Variants in RIMS1 observed in about 807,000 individuals in gnomAD.
RIMS1 encodes the protein regulating synaptic membrane exocytosis 1.
Under a neutral mutation model 214.1 loss-of-function variants are expected in RIMS1, and 83 were observed. That is an observed-to-expected ratio of 0.39 (90% CI 0.32 to 0.47). RIMS1 has a LOEUF of 0.47. Among genes scored for constraint, RIMS1 ranks in the 20% least tolerant of loss-of-function variants. The pLI, the probability that RIMS1 is intolerant of heterozygous loss-of-function variation, is 0.99. For missense variants in RIMS1, 2,050 were observed against 2,161.8 expected (o/e 0.95, Z 1.03); for synonymous variants, 793 against 786.8 (o/e 1.01, Z -0.13).
chr6:71,903,459 C>G (rs1774332969), intron 1 of RIMS1, among the ~76,000 whole-genome samples: 1 of 151,954 alleles, frequency 6.6e-6, no homozygotes, highest in African/African-American at 2.4e-5. Context: ...ATTTCATGAC[C>G]AAAACGTCAA....
At chr6:72,005,928 G>C (rs1364514829) in intron 2 of RIMS1, among the ~76,000 whole-genome samples, 1 of 152,202 alleles carries the variant, frequency 6.6e-6, no homozygotes, top group Non-Finnish European at 1.5e-5. Context: ...GTCAATTCAA[G>C]TTGCCATGGC....
In RIMS1 at chr6:72,402,389, T is replaced by TA. The variant is rs1387741675; in HGVS notation, c.*1676dup. On this transcript the variant is annotated 3_prime_UTR_variant, in exon 34 of 34. Coordinates refer to ENST00000521978, the MANE Select transcript of RIMS1 (RefSeq NM_014989.7). ...ATGTCTATAGATGGACTTTATTTTT[T>TA]ACCCTCCGGAAAACGTGATGTAGTA... 1.3e-5 allele frequency: 2 copies of TA among 152,764 alleles called. No homozygotes were observed. The highest frequency in any genetic ancestry group is 1.3e-4 in the Admixed American group (2 of 15,296). The allele number at this position is 152,764 out of a possible 1,614,324, so 9.5% of individuals were successfully genotyped here.
intron 2 of RIMS1, among the ~76,000 whole-genome samples, chr6:72,051,863 G>A (rs945845060): frequency 6.7e-6 from 1 of 149,534 alleles, no homozygotes; most frequent in African/African-American, 2.5e-5. Context: ...CCATTTAGCT[G>A]TTTTTTTTTC....
intron 29 of RIMS1, among the ~76,000 whole-genome samples, chr6:72,345,561 A>G (rs1253731707): frequency 1.3e-5 from 2 of 151,866 alleles, no homozygotes; most frequent in Non-Finnish European, 2.9e-5. Context: ...CCACTTTACT[A>G]TAATTCCGTT....
chr6:71,958,236 A>G (rs866467917), intron 1 of RIMS1, among the ~76,000 whole-genome samples: 3 of 152,168 alleles, frequency 2.0e-5, no homozygotes, highest in Non-Finnish European at 4.4e-5. Context: ...GTATTTGTTC[A>G]TTGATTACAT....
intron 4 of RIMS1, among the ~76,000 whole-genome samples, chr6:72,156,617 G>A (rs1437676225): frequency 7.1e-6 from 1 of 140,220 alleles, no homozygotes; most frequent in Admixed American, 7.4e-5. Flanking sequence ...TAGATCTTAA[G>A]TGTTCTACCT....
chr6:72,308,749 A>G (rs2095362495), intron 27 of RIMS1, among the ~76,000 whole-genome samples: 1 of 152,128 alleles, frequency 6.6e-6, no homozygotes, highest in Non-Finnish European at 1.5e-5. Flanking sequence ...CAACTCCCTA[A>G]GAGTCTTACC....
intron 2 of RIMS1, among the ~76,000 whole-genome samples, chr6:72,067,248 A>G (rs1287321159): frequency 6.6e-6 from 1 of 152,198 alleles, no homozygotes; most frequent in African/African-American, 2.4e-5. Context: ...GTCATTGATA[A>G]TATGACCCTA....
intron 29 of RIMS1, among the ~76,000 whole-genome samples, chr6:72,341,042 G>A (rs916985121): frequency 1.3e-5 from 2 of 151,974 alleles, no homozygotes; most frequent in African/African-American, 4.8e-5. Flanking sequence ...TCTCTTTGAA[G>A]CAATTGTGAA....
intron 1 of RIMS1, among the ~76,000 whole-genome samples, chr6:71,942,572 G>T (rs1296392201): frequency 6.6e-6 from 1 of 151,946 alleles, no homozygotes; most frequent in African/African-American, 2.4e-5. Context: ...ACGTTTAATT[G>T]TAACATTTGT....
chr6:72,290,976 CCTTT>C lies in RIMS1; in HGVS notation c.3737+120_3737+123del, dbSNP rs2093307115. ...TCATTTTGACACCATAACTTTTAAT[CCTTT>C]CTTTGTGACACTTAAATCTCTCTCA... On this transcript the variant is annotated intron_variant, in intron 25 of 33. Coordinates refer to ENST00000521978, the MANE Select transcript of RIMS1 (RefSeq NM_014989.7). 3 of 892,940 alleles carry C rather than the reference CCTTT, an allele frequency of 3.4e-6. No homozygotes were observed. The South Asian group carries it at 5.4e-5, about 16-fold the overall frequency. The allele number at this position is 892,940 out of a possible 1,614,324, so 55.3% of individuals were successfully genotyped here.
chr6:72,160,683 G>A (rs1349821785), intron 4 of RIMS1, among the ~76,000 whole-genome samples: 1 of 140,754 alleles, frequency 7.1e-6, no homozygotes, highest in African/African-American at 2.5e-5. Flanking sequence ...GCTGGCTTAC[G>A]TTTATTGATT....
intron 1 of RIMS1, among the ~76,000 whole-genome samples, chr6:71,891,916 T>C (rs1410108629): frequency 6.6e-6 from 1 of 152,204 alleles, no homozygotes; most frequent in African/African-American, 2.4e-5. Flanking sequence ...TAAAATCATA[T>C]TATTATCCGC....
At chr6:72,208,645 C>T (rs561532498) in intron 6 of RIMS1, among the ~76,000 whole-genome samples, 1 of 152,230 alleles carries the variant, frequency 6.6e-6, no homozygotes, top group South Asian at 2.1e-4. Flanking sequence ...CAAAAGGTCT[C>T]CTGTAGGTAA....
Position 72,158,398 on chromosome 6 carries a change from T to G in RIMS1, c.472-21177T>G, listed in dbSNP as rs191944513. Among the ~76,000 whole-genome samples, 176 of 141,052 alleles carry G rather than the reference T, an allele frequency of 1.2e-3. 11 individuals are homozygous for G. The highest frequency in any genetic ancestry group is 4.0e-3 in the African/African-American group (165 of 40,798). The allele number at this position is 141,052 out of a possible 152,430, so 92.5% of individuals were successfully genotyped here. A position where few individuals can be genotyped will look rare whatever the true frequency, so the allele number is the denominator to read the frequency against. ...TAATGTGTCTTTTATCTCTGGTTGT[T>G]TTAAAAAGATTGTATTTTTTTTAAT... is the stretch of plus-strand genomic sequence containing the variant. On this transcript the variant is annotated intron_variant, in intron 4 of 33. Coordinates refer to ENST00000521978, the MANE Select transcript of RIMS1 (RefSeq NM_014989.7).
In RIMS1 at chr6:72,122,928, T is replaced by C. The variant is rs868738289; in HGVS notation, c.471+22942T>C. ...TTGATCTTTTCGAAAAACCAGCTCC[T>C]GGATTCATTGATTTTTTGAAGGTTT... On this transcript the variant is annotated intron_variant, in intron 4 of 33. Coordinates refer to ENST00000521978, the MANE Select transcript of RIMS1 (RefSeq NM_014989.7). 1.9e-4 allele frequency among the ~76,000 whole-genome samples: 29 copies of C among 151,924 alleles called. 1 individual carries two copies. The highest frequency in any genetic ancestry group is 6.5e-4 in the African/African-American group (27 of 41,436).
At chr6:72,274,101 C>T (rs555876308) in intron 22 of RIMS1, among the ~76,000 whole-genome samples, 13 of 152,212 alleles carry the variant, frequency 8.5e-5, no homozygotes, top group Admixed American at 2.0e-4. Flanking sequence ...ACTTAATAGG[C>T]GGATTCCAAA....
intron 2 of RIMS1, among the ~76,000 whole-genome samples, chr6:72,022,268 GT>G (rs1355701360): frequency 2.0e-5 from 3 of 152,118 alleles, no homozygotes; most frequent in Non-Finnish European, 4.4e-5. Flanking sequence ...CGTTTAAGTT[GT>G]TTACACATAA....
chr6:72,204,986 A>AT (rs2052652464), intron 6 of RIMS1, among the ~76,000 whole-genome samples: 1 of 152,140 alleles, frequency 6.6e-6, no homozygotes, highest in Admixed American at 6.5e-5. Flanking sequence ...ACTTAGGTCA[A>AT]TAAGTACCTT....
Sources: gnomAD v4.1 joint callset for allele counts (sites outside exome capture counted in the v4.1 genomes callset) on GRCh38, gnomAD v4.1.1 for gene constraint, MANE v1.5 for transcripts, NCBI Gene and HGNC (gene_info 2026-07-23, HGNC 2026-07-21) for gene names.